KPNA4: variants seen among roughly 807,000 people sequenced by gnomAD.
KPNA4 encodes the protein karyopherin subunit alpha 4.
A neutral mutation model predicts 71.3 loss-of-function variants in KPNA4; 13 were observed. The observed-to-expected ratio is 0.18, with a 90% CI of 0.12 to 0.29. The LOEUF (loss-of-function observed/expected upper bound fraction) is 0.29, where lower values mean the gene tolerates loss of function less well. Ranked by LOEUF, KPNA4 falls within the 10% of genes least tolerant of loss-of-function variation. KPNA4 has a pLI of 1.00. For missense variants in KPNA4, 334 were observed against 603.2 expected, an observed-to-expected ratio of 0.55 and a Z score of 4.67; for synonymous variants, 189 against 195.2, an observed-to-expected ratio of 0.97 and a Z score of 0.26.
At chr3:160,523,240 G>A (rs1229479321) in intron 10 of KPNA4, among the ~76,000 whole-genome samples, 1 of 152,088 alleles carries the variant, frequency 6.6e-6, no homozygotes, top group Non-Finnish European at 1.5e-5. Context: ...GGAGACCAAG[G>A]CAGGTGGACT....
rs924455043 is a variant in KPNA4 at position 160,508,623 on chromosome 3, T to TTTAA, written c.1210-358_1210-355dup. Reference sequence around the variant, plus strand: ...AATGGAGGCTGTATGCTATTTTTAATTTAATTAATTAATTAATTAAATATA... The same window carrying TTTAA: ...AATGGAGGCTGTATGCTATTTTTAATTTAATTAATTAATTAATTAATTAAATATA... On this transcript the variant is annotated intron_variant, in intron 14 of 16. Coordinates refer to ENST00000334256, the MANE Select transcript of KPNA4 (RefSeq NM_002268.5). Among the ~76,000 whole-genome samples the TTTAA allele has an allele frequency of 2.2e-4, 33 of 152,204 alleles. 1 individual carries two copies. Among genetic ancestry groups the TTTAA allele is most frequent in the Admixed American group, 5.2e-4 (8 of 15,288 alleles).
At chr3:160,526,593 G>A (rs1272359201) in intron 8 of KPNA4, among the ~76,000 whole-genome samples, 1 of 152,220 alleles carries the variant, frequency 6.6e-6, no homozygotes, top group Non-Finnish European at 1.5e-5. Flanking sequence ...TCCTGAAGCA[G>A]AAACTCTATG....
At chr3:160,527,131 T>A (rs1450398704) in intron 8 of KPNA4, among the ~76,000 whole-genome samples, 1 of 152,234 alleles carries the variant, frequency 6.6e-6, no homozygotes, top group East Asian at 1.9e-4. Context: ...AAATAATCTT[T>A]AGAATCATTC....
chr3:160,563,347 A>C (rs561997217), intron 1 of KPNA4, among the ~76,000 whole-genome samples: 1 of 152,352 alleles, frequency 6.6e-6, no homozygotes, highest in South Asian at 2.1e-4. Flanking sequence ...AAATCTAAGA[A>C]GACAAAAACT....
Position 160,497,845 on chromosome 3 carries a change from T to G in KPNA4, c.*4259A>C, listed in dbSNP as rs1720796571. 2.0e-5 allele frequency: 3 copies of G among 152,324 alleles called. No individual in the cohort carries two copies. The South Asian group carries it at 6.2e-4, about 32-fold the overall frequency. The allele number at this position is 152,324 out of a possible 1,614,324, so 9.4% of individuals were successfully genotyped here. ...TTAACAATTAAAGTTGGCCTATTTA[T>G]AGTTCACTTTAATAGCTACAATGGA... On this transcript the variant is annotated 3_prime_UTR_variant, in exon 17 of 17. Transcript: ENST00000334256.
At chr3:160,533,541 A>AT (rs1377183284) in intron 5 of KPNA4, among the ~76,000 whole-genome samples, 2 of 151,786 alleles carry the variant, frequency 1.3e-5, no homozygotes, top group African/African-American at 2.4e-5. Context: ...AATTTAAAAA[A>AT]TTTTTTTTAC....
In KPNA4 at chr3:160,565,518, G is replaced by T; in HGVS notation, c.-236C>A. ...GCAAAGACAACTGTGGGGCCGGGCG[G>T]CGGCAAGGCGACGGAATGTGCTGCC... On this transcript the variant is annotated 5_prime_UTR_variant, in exon 1 of 17. Coordinates refer to ENST00000334256, the MANE Select transcript of KPNA4 (RefSeq NM_002268.5). 1 of 542,066 alleles carries T rather than the reference G, an allele frequency of 1.8e-6. No individual in the cohort carries two copies. Among genetic ancestry groups the T allele is most frequent in the Non-Finnish European group, 3.2e-6 (1 of 308,868 alleles). 33.6% of individuals were successfully genotyped at this position (542,066 alleles called of 1,614,324 possible). A position where few individuals can be genotyped will look rare whatever the true frequency, so the allele number is the denominator to read the frequency against.
At chr3:160,547,014 T>C (rs998004613) in intron 1 of KPNA4, among the ~76,000 whole-genome samples, 1 of 152,190 alleles carries the variant, frequency 6.6e-6, no homozygotes, top group Non-Finnish European at 1.5e-5. Flanking sequence ...TTTGACTAAA[T>C]CTGTGTAAAC....
Position 160,541,649 on chromosome 3 carries a change from G to GCGCACACA in KPNA4, c.70-4810_70-4809insTGTGTGCG, listed in dbSNP as rs376581446. ...AGCGGTTTTTAAAAGTTATATACGC[G>GCGCACACA]CACACACACACACACACACACACAC... On this transcript the variant is annotated intron_variant, in intron 1 of 16. Coordinates refer to ENST00000334256, the MANE Select transcript of KPNA4 (RefSeq NM_002268.5). Among the ~76,000 whole-genome samples the GCGCACACA allele has an allele frequency of 2.1e-3, 315 of 146,748 alleles. 1 individual carries two copies. Among genetic ancestry groups the GCGCACACA allele is most frequent in the East Asian group, 0.016 (80 of 4,930 alleles).
Position 160,501,437 on chromosome 3 carries a change from T to C in KPNA4, c.*667A>G, listed in dbSNP as rs1277989854. The C allele has an allele frequency of 6.6e-6, 1 of 152,540 alleles. No individual in the cohort carries two copies. Among genetic ancestry groups the C allele is most frequent in the East Asian group, 1.9e-4 (1 of 5,196 alleles). 9.4% of individuals were successfully genotyped at this position (152,540 alleles called of 1,614,324 possible). The stretch of plus-strand genomic sequence containing the variant: ...CATGTCCAGTGTACATTAACACTTA[T>C]GATCTCATTTTGATGATTTACTAGG... On this transcript the variant is annotated 3_prime_UTR_variant, in exon 17 of 17. Transcript: ENST00000334256.
At chr3:160,525,713 G>C (rs1000437795) in intron 10 of KPNA4, 87 bp downstream of exon 10, 3 of 719,740 alleles carry the variant, frequency 4.2e-6, no homozygotes, top group South Asian at 3.7e-5. Flanking sequence ...CAATGTGTTA[G>C]TATAATATTT....
chr3:160,555,938 T>C (rs967597019), intron 1 of KPNA4, among the ~76,000 whole-genome samples: 16 of 152,184 alleles, frequency 1.1e-4, no homozygotes, highest in African/African-American at 3.6e-4. Flanking sequence ...TTCAAGTGAT[T>C]CTCCTGCCTC....
chr3:160,503,798 C>T (rs1720926835), intron 16 of KPNA4, among the ~76,000 whole-genome samples: 1 of 152,098 alleles, frequency 6.6e-6, no homozygotes, highest in Admixed American at 6.6e-5. Context: ...AAAGAATATG[C>T]CAGGCTGGGC....
chr3:160,563,138 G>A (rs1023508816), intron 1 of KPNA4, among the ~76,000 whole-genome samples: 1 of 152,136 alleles, frequency 6.6e-6, no homozygotes, highest in Non-Finnish European at 1.5e-5. Flanking sequence ...ACTGAAGAAG[G>A]GATAAATAAA....
intron 15 of KPNA4, among the ~76,000 whole-genome samples, chr3:160,507,824 A>G (rs1187427100): frequency 6.6e-6 from 1 of 152,240 alleles, no homozygotes; most frequent in Non-Finnish European, 1.5e-5. Flanking sequence ...GTTCATATTT[A>G]TCAAGACTAG....
chr3:160,551,938 CT>C (rs1401684745), intron 1 of KPNA4, among the ~76,000 whole-genome samples: 2 of 59,366 alleles, frequency 3.4e-5, no homozygotes, highest in Non-Finnish European at 6.9e-5. Flanking sequence ...GTTGTCACAA[CT>C]GGGGGGGGGG....
chr3:160,534,718 G>GAA (rs544384718), intron 5 of KPNA4, among the ~76,000 whole-genome samples: 8 of 73,098 alleles, frequency 1.1e-4, no homozygotes, highest in Admixed American at 5.0e-4. Context: ...CTCCATCTCA[G>GAA]AAAAAAAAAA....
intron 15 of KPNA4, among the ~76,000 whole-genome samples, chr3:160,506,307 T>C (rs900582924): frequency 1.3e-5 from 2 of 152,074 alleles, no homozygotes; most frequent in African/African-American, 2.4e-5. Context: ...CAGCTAGGAT[T>C]ACAGGTGTGC....
At chr3:160,561,685 C>T (rs989723364) in intron 1 of KPNA4, among the ~76,000 whole-genome samples, 2 of 151,934 alleles carry the variant, frequency 1.3e-5, no homozygotes, top group Non-Finnish European at 2.9e-5. Context: ...ATTTGGTGTG[C>T]CTAAACTGCC....
Sources: allele counts gnomAD v4.1 joint callset (sites outside exome capture counted in the v4.1 genomes callset), GRCh38; gene constraint gnomAD v4.1.1; transcripts MANE v1.5; gene names NCBI Gene and HGNC (gene_info 2026-07-23, HGNC 2026-07-21).